RANBP3: variants seen among roughly 807,000 people sequenced by gnomAD.
RANBP3 encodes the protein RAN binding protein 3.
Under a neutral mutation model 77.3 loss-of-function variants are expected in RANBP3, and 14 were observed. That is an observed-to-expected ratio of 0.18 (90% confidence interval 0.12 to 0.28). The LOEUF is 0.28. Among genes scored for constraint, RANBP3 ranks in the 10% least tolerant of loss-of-function variants. The pLI is 1.00. For missense variants in RANBP3, 586 were observed against 752.3 expected, an observed-to-expected ratio of 0.78 and a Z score of 2.59; for synonymous variants, 315 against 312.4, an observed-to-expected ratio of 1.01 and a Z score of -0.09.
intron 5 of RANBP3, among the ~76,000 whole-genome samples, chr19:5,940,702 T>C (rs979064853): frequency 6.6e-6 from 1 of 152,234 alleles, no homozygotes; most frequent in Non-Finnish European, 1.5e-5. Flanking sequence ...TTTCCAGGAA[T>C]GGATTTCAGT....
intron 3 of RANBP3, among the ~76,000 whole-genome samples, chr19:5,945,998 G>A (rs1347434718): frequency 6.6e-6 from 1 of 151,518 alleles, no homozygotes; most frequent in Non-Finnish European, 1.5e-5. Flanking sequence ...CAGGCACAGG[G>A]TCCCCTCTGC....
At chr19:5,977,973 C>A in intron 1 of RANBP3, 88 bp downstream of exon 1, 1 of 1,540,100 alleles carries the variant, frequency 6.5e-7, no homozygotes, top group Non-Finnish European at 8.8e-7. Context: ...TTGCACTCTG[C>A]GGTGCTCCCC....
intron 3 of RANBP3, among the ~76,000 whole-genome samples, chr19:5,945,490 A>G (rs1260186692): frequency 3.3e-5 from 5 of 152,128 alleles, no homozygotes; most frequent in African/African-American, 1.2e-4. Flanking sequence ...AGAATTTTCC[A>G]TGTGCACTTG....
chr19:5,921,253 G>C lies in RANBP3; in HGVS notation c.1278C>G (p.Leu426=), dbSNP rs767959480. The C allele has an allele frequency of 6.2e-7, 1 of 1,613,674 alleles. No individual in the cohort carries two copies. The highest frequency in any genetic ancestry group is 1.1e-5 in the South Asian group (1 of 91,068). The part of the protein sequence containing the change: ...QSWVERGRGL[L]RLNDMASTDD... ...CGGTGGACGCCATGTCATTGAGTCT[G>C]AGCAGCCCCCGGCCTCTCTCCACCC... Residue 426 remains leucine (L), a synonymous_variant, in exon 14 of 17, where the codon CTC becomes CTG. Coordinates refer to ENST00000340578, the MANE Select transcript of RANBP3 (RefSeq NM_007322.3). The surrounding 1 kb of genome is among the most constrained non-coding windows in gnomAD (Gnocchi z 5.3).
At chr19:5,945,592 C>T (rs2058193934) in intron 3 of RANBP3, among the ~76,000 whole-genome samples, 1 of 152,180 alleles carries the variant, frequency 6.6e-6, no homozygotes, top group African/African-American at 2.4e-5. Flanking sequence ...TGTTTCCTTA[C>T]TGATCTTGTC....
chr19:5,969,312 C>T (rs576176782), intron 1 of RANBP3, among the ~76,000 whole-genome samples: 1 of 152,206 alleles, frequency 6.6e-6, no homozygotes, highest in South Asian at 2.1e-4. Flanking sequence ...ACCCTCTCCC[C>T]CAGAGAAAGG....
rs771884024 is a variant in RANBP3 at position 5,923,550 on chromosome 19, G to A, written c.1100-247C>T. Among the ~76,000 whole-genome samples, 40 of 152,148 alleles carry A rather than the reference G, an allele frequency of 2.6e-4. 1 individual carries two copies. In the East Asian group the frequency reaches 5.4e-3, roughly 21 times the overall value. On this transcript the variant is annotated intron_variant, in intron 12 of 16. Transcript: ENST00000340578. ...CTCGTGTTCGTGCCGAGCAGTCGAC[G>A]GGGGGACAGTGAGGGACTCCTCCAC...
intron 1 of RANBP3, among the ~76,000 whole-genome samples, chr19:5,971,504 A>G (rs1230829241): frequency 1.3e-5 from 2 of 152,194 alleles, no homozygotes; most frequent in Non-Finnish European, 1.5e-5. Flanking sequence ...CTGTTGGCAT[A>G]TCACACATCC....
intron 1 of RANBP3, among the ~76,000 whole-genome samples, chr19:5,960,511 G>A (rs536486892): frequency 1.8e-4 from 27 of 152,290 alleles, no homozygotes; most frequent in African/African-American, 5.3e-4. Flanking sequence ...CATAAGATCC[G>A]AGACTGCTTT....
At chr19:5,961,939 C>T (rs535410473) in intron 1 of RANBP3, among the ~76,000 whole-genome samples, 10 of 151,770 alleles carry the variant, frequency 6.6e-5, no homozygotes, top group South Asian at 4.2e-4. Flanking sequence ...ACCAAGAGCG[C>T]GTGGTTCCCC....
At chr19:5,974,639 C>T (rs1297277878) in intron 1 of RANBP3, among the ~76,000 whole-genome samples, 1 of 152,030 alleles carries the variant, frequency 6.6e-6, no homozygotes, top group Non-Finnish European at 1.5e-5. Flanking sequence ...GTGACGAGGG[C>T]CAACAAGATG....
rs2058560199 is a variant in RANBP3 at position 5,974,056 on chromosome 19, C to T, written c.22+4005G>A. Reference sequence around the variant, plus strand: ...CACCCCCACTCCCCAGGGGCTGTGTCAGGAGACTTCTTCTGTTGTCATGAC... The same window carrying T: ...CACCCCCACTCCCCAGGGGCTGTGTTAGGAGACTTCTTCTGTTGTCATGAC... On this transcript the variant is annotated intron_variant, in intron 1 of 16. Coordinates refer to ENST00000340578, the MANE Select transcript of RANBP3 (RefSeq NM_007322.3). Among the ~76,000 whole-genome samples the T allele has an allele frequency of 2.0e-5, 3 of 152,270 alleles. No homozygotes were observed. In the South Asian group the frequency reaches 6.2e-4, roughly 32 times the overall value.
rs1343253695 is a variant in RANBP3 at position 5,971,014 on chromosome 19, T to C, written c.22+7047A>G. On this transcript the variant is annotated intron_variant, in intron 1 of 16. Transcript: ENST00000340578. ...GGCAAGGCAGCGGAGAAACCCACACTGTACACTGAGGCTCTGCTAGCACAT... is the reference window on the plus strand; with the variant it reads ...GGCAAGGCAGCGGAGAAACCCACACCGTACACTGAGGCTCTGCTAGCACAT... Among the ~76,000 whole-genome samples the C allele has an allele frequency of 2.6e-5, 4 of 152,176 alleles. No individual in the cohort carries two copies. The East Asian group carries it at 5.8e-4, about 22-fold the overall frequency.
chr19:5,966,454 G>A (rs549904889), intron 1 of RANBP3, among the ~76,000 whole-genome samples: 48 of 152,224 alleles, frequency 3.2e-4, no homozygotes, highest in Admixed American at 1.4e-3. Context: ...TCTGTCAAAT[G>A]TTCGGCCCTG....
At position 5,958,084 on chromosome 19, in the gene RANBP3, C is replaced by T; in HGVS notation, c.23-111G>A. ...ATATATATAAATGAAACTAGTAACT[C>T]CAGAGAACATCAAATCACTTAGAAC... On this transcript the variant is annotated intron_variant, in intron 1 of 16. Transcript: ENST00000340578. The surrounding 1 kb of genome is among the most constrained non-coding windows in gnomAD (Gnocchi z 4.4). 1.1e-6 allele frequency: 1 copy of T among 951,672 alleles called. No individual in the cohort carries two copies. Among genetic ancestry groups the T allele is most frequent in the Non-Finnish European group, 1.6e-6 (1 of 617,522 alleles). The allele number at this position is 951,672 out of a possible 1,614,324, so 59.0% of individuals were successfully genotyped here.
intron 15 of RANBP3, 109 bp downstream of exon 15, chr19:5,918,387 A>AGGGGGGGGGGGGGGGGGGGGGGGGCGGG: frequency 1.9e-6 from 1 of 529,920 alleles, no homozygotes; most frequent in Non-Finnish European, 3.0e-6. Flanking sequence ...AAGCAACTGA[A>AGGGGGGGGGGGGGGGGGGGGGGGGCGGG]GCCCCTCCCC....
chr19:5,940,190 A>G (rs538717888), intron 5 of RANBP3, among the ~76,000 whole-genome samples: 17 of 152,288 alleles, frequency 1.1e-4, no homozygotes, highest in African/African-American at 4.1e-4. Context: ...GGTGATTTGA[A>G]GAGGGCCGGG....
At chr19:5,961,775 G>C (rs1247233948) in intron 1 of RANBP3, among the ~76,000 whole-genome samples, 1 of 150,614 alleles carries the variant, frequency 6.6e-6, no homozygotes, top group Non-Finnish European at 1.5e-5. Flanking sequence ...AAACTGCAGT[G>C]TCTCCCACAG....
chr19:5,971,985 G>C (rs1395286786), intron 1 of RANBP3, among the ~76,000 whole-genome samples: 1 of 152,242 alleles, frequency 6.6e-6, no homozygotes, highest in African/African-American at 2.4e-5. Flanking sequence ...AAGGGTGGTT[G>C]CTGTTTTCTG....
Sources: gnomAD v4.1 joint callset for allele counts (sites outside exome capture counted in the v4.1 genomes callset) on GRCh38, gnomAD v4.1.1 for gene constraint, Gnocchi (gnomAD v3.1) non-coding constraint, MANE v1.5 for transcripts, NCBI Gene and HGNC (gene_info 2026-07-23, HGNC 2026-07-21) for gene names.